VAV1: variants seen among roughly 807,000 people sequenced by gnomAD.
The protein encoded by VAV1 is proto-oncogene vav.
In VAV1, 33 loss-of-function variants were observed where a neutral mutation model predicts 128.1. That is an observed-to-expected ratio of 0.26 (90% confidence interval 0.20 to 0.34). The LOEUF (loss-of-function observed/expected upper bound fraction) is 0.34. Ranked by LOEUF, VAV1 falls within the 10% of genes least tolerant of loss-of-function variation. VAV1 has a pLI of 1.00. For synonymous variants in VAV1, 394 were observed against 409.8 expected (o/e 0.96, Z 0.47); for missense variants, 715 against 1,093.7 (o/e 0.65, Z 4.88).
intron 1 of VAV1, among the ~76,000 whole-genome samples, chr19:6,813,901 TA>T (rs1020265179): frequency 6.0e-5 from 9 of 151,122 alleles, no homozygotes; most frequent in Non-Finnish European, 7.4e-5. Context: ...AAAAAATCTT[TA>T]AAAAAAAATT....
intron 1 of VAV1, among the ~76,000 whole-genome samples, chr19:6,790,588 T>A (rs1970996280): frequency 6.6e-6 from 1 of 152,150 alleles, no homozygotes; most frequent in Non-Finnish European, 1.5e-5. Context: ...CCCTGGAGGG[T>A]TCTTGGCTTC....
At chr19:6,848,244 G>A (rs1972574157) in intron 23 of VAV1, 130 bp downstream of exon 23, 3 of 698,346 alleles carry the variant, frequency 4.3e-6, no homozygotes, top group African/African-American at 3.7e-5. Flanking sequence ...GCCCCTGCTG[G>A]TTCCCACGTG....
At chr19:6,802,685 A>C (rs183011353) in intron 1 of VAV1, among the ~76,000 whole-genome samples, 1 of 152,248 alleles carries the variant, frequency 6.6e-6, no homozygotes, top group Non-Finnish European at 1.5e-5. Flanking sequence ...CCACTCTCTA[A>C]GAGGCACCAG....
At position 6,777,240 on chromosome 19, in the gene VAV1, TCCA is replaced by T. The variant is rs1354348152; in HGVS notation, c.204+4230_204+4232del. Among the ~76,000 whole-genome samples the T allele has an allele frequency of 5.6e-5, 1 of 17,724 alleles. No homozygotes were observed. The highest frequency in any genetic ancestry group is 1.1e-4 in the Non-Finnish European group (1 of 9,162). The allele number at this position is 17,724 out of a possible 152,430, so 11.6% of individuals were successfully genotyped here. On this transcript the variant is annotated intron_variant, in intron 1 of 26. Coordinates refer to ENST00000602142, the MANE Select transcript of VAV1 (RefSeq NM_005428.4). The surrounding 1 kb of genome is among the most constrained non-coding windows in gnomAD (Gnocchi z 4.4). ...ATCCATTTATCTGTTTAACTATCCA[TCCA>T]TCCATCCATCCATCCATCCATCCAT...
chr19:6,827,545 A>T (rs1374124516), intron 9 of VAV1, among the ~76,000 whole-genome samples: 1 of 152,076 alleles, frequency 6.6e-6, no homozygotes, highest in Non-Finnish European at 1.5e-5. Flanking sequence ...AAGAGCTAGG[A>T]TTACAGGCCT....
At chr19:6,847,552 T>C (rs1453782683) in intron 22 of VAV1, among the ~76,000 whole-genome samples, 2 of 152,206 alleles carry the variant, frequency 1.3e-5, no homozygotes, top group African/African-American at 4.8e-5. Flanking sequence ...AGAATACTGT[T>C]TGTTTTACTT....
chr19:6,817,333 C>A (rs865997120), intron 1 of VAV1, among the ~76,000 whole-genome samples: 1 of 151,750 alleles, frequency 6.6e-6, no homozygotes, highest in African/African-American at 2.4e-5. Context: ...CAAAGTGCTG[C>A]GATTACAGGG....
chr19:6,830,719 C>T (rs1385364170), intron 14 of VAV1, among the ~76,000 whole-genome samples: 1 of 152,144 alleles, frequency 6.6e-6, no homozygotes, highest in African/African-American at 2.4e-5. Context: ...AGATTACAAG[C>T]GTGAGCCACT....
rs541144952 is a variant in VAV1 at position 6,802,167 on chromosome 19, A to C, written c.205-18535A>C. Among the ~76,000 whole-genome samples, 4 of 152,178 alleles carry C rather than the reference A, an allele frequency of 2.6e-5. No homozygotes were observed. The East Asian group carries it at 7.7e-4, about 29-fold the overall frequency. Reference sequence around the variant, plus strand: ...AGAACACATGGGCACAGGAAGGGGAACATCACACACAGGGGACTGTTGTGG... The same window carrying C: ...AGAACACATGGGCACAGGAAGGGGACCATCACACACAGGGGACTGTTGTGG... On this transcript the variant is annotated intron_variant, in intron 1 of 26. Transcript: ENST00000602142.
At chr19:6,841,953 C>T (rs1224184867) in intron 21 of VAV1, among the ~76,000 whole-genome samples, 5 of 150,322 alleles carry the variant, frequency 3.3e-5, no homozygotes, top group Admixed American at 6.6e-5. Context: ...CGGCCGGGCG[C>T]GGTGGTTCAC....
At chr19:6,816,712 C>T (rs1246193241) in intron 1 of VAV1, among the ~76,000 whole-genome samples, 1 of 152,040 alleles carries the variant, frequency 6.6e-6, no homozygotes, top group African/African-American at 2.4e-5. Context: ...TGCCTGTAAT[C>T]CCAGCACTTT....
chr19:6,825,859 C>T (rs551833670), intron 8 of VAV1, among the ~76,000 whole-genome samples: 1 of 149,456 alleles, frequency 6.7e-6, no homozygotes, highest in South Asian at 2.1e-4. Flanking sequence ...ACCCCGTCTC[C>T]ATCGCCTAAA....
rs368465654 is a variant in VAV1 at position 6,820,831 on chromosome 19, C to T, written c.321+13C>T. ...GGATTTTGGCAAGGTGAGCTGCACA[C>T]TTGAAGCCCAAAGACTGAGTTTCAG... On this transcript the variant is annotated intron_variant, in intron 2 of 26. Coordinates refer to ENST00000602142, the MANE Select transcript of VAV1 (RefSeq NM_005428.4). This position sits in a 1 kb window ranked among gnomAD's most constrained non-coding sequence, Gnocchi z 4.4. 4.4e-6 allele frequency: 7 copies of T among 1,608,202 alleles called. No homozygotes were observed. The highest frequency in any genetic ancestry group is 6.0e-6 in the Non-Finnish European group (7 of 1,174,702).
At chr19:6,791,845 G>C (rs1427593705) in intron 1 of VAV1, among the ~76,000 whole-genome samples, 2 of 152,204 alleles carry the variant, frequency 1.3e-5, no homozygotes, top group African/African-American at 4.8e-5. Context: ...GCTCTGGGAA[G>C]CATGAGGCAG....
chr19:6,815,957 G>A (rs1329553266), intron 1 of VAV1, among the ~76,000 whole-genome samples: 2 of 152,040 alleles, frequency 1.3e-5, no homozygotes, highest in Non-Finnish European at 2.9e-5. Flanking sequence ...GGGAGGCTGA[G>A]GCAGGAGGAT....
In VAV1 at chr19:6,820,806, G is replaced by A; in HGVS notation, c.309G>A (p.Gln103=). The part of the protein sequence containing the change: ...LFEAFDLFDV[Q]DFGKVIYTLS... ...AAGCCTTTGACCTCTTCGATGTGCAGGATTTTGGCAAGGTGAGCTGCACAC... is the reference window on the plus strand; with the variant it reads ...AAGCCTTTGACCTCTTCGATGTGCAAGATTTTGGCAAGGTGAGCTGCACAC... The change falls in exon 2 of 27, where the codon CAG becomes CAA. Residue 103 remains glutamine (Q), a synonymous_variant. Coordinates refer to ENST00000602142, the MANE Select transcript of VAV1 (RefSeq NM_005428.4). This position sits in a 1 kb window ranked among gnomAD's most constrained non-coding sequence, Gnocchi z 4.4. 1 of 1,614,216 alleles carries A rather than the reference G, an allele frequency of 6.2e-7. No individual in the cohort carries two copies. The highest frequency in any genetic ancestry group is 8.5e-7 in the Non-Finnish European group (1 of 1,180,030).
chr19:6,800,872 C>T (rs181275318), intron 1 of VAV1, among the ~76,000 whole-genome samples: 2 of 152,232 alleles, frequency 1.3e-5, no homozygotes, highest in African/African-American at 4.8e-5. Flanking sequence ...AGTGATCCGC[C>T]CGCCTCAGCC....
At chr19:6,836,877 C>T in intron 20 of VAV1, 108 bp from the exon 21 acceptor site, 2 of 761,718 alleles carry the variant, frequency 2.6e-6, no homozygotes, top group Non-Finnish European at 4.4e-6. Context: ...CACACACACA[C>T]ACGAGTGATG....
chr19:6,846,790 C>G (rs1445819375), intron 22 of VAV1, among the ~76,000 whole-genome samples: 1 of 146,334 alleles, frequency 6.8e-6, no homozygotes, highest in Non-Finnish European at 1.5e-5. Context: ...ATATAGCTAT[C>G]TACAATAGAT....
Sources: allele counts gnomAD v4.1 joint callset (sites outside exome capture counted in the v4.1 genomes callset), GRCh38; gene constraint gnomAD v4.1.1; non-coding constraint Gnocchi (gnomAD v3.1); transcripts MANE v1.5; gene names NCBI Gene and HGNC (gene_info 2026-07-23, HGNC 2026-07-21).